NRXN3: variants seen among roughly 807,000 people sequenced by gnomAD.
The protein encoded by NRXN3 is neurexin III.
A neutral mutation model predicts 137.6 loss-of-function variants in NRXN3; 32 were observed. The observed-to-expected ratio is 0.23, with a 90% CI of 0.18 to 0.31. The LOEUF is 0.31. Ranked by LOEUF, NRXN3 falls within the 10% of genes least tolerant of loss-of-function variation. The pLI, the probability that NRXN3 is intolerant of heterozygous loss-of-function variation, is 1.00. For missense variants in NRXN3, 1,574 were observed against 2,062.5 expected (o/e 0.76, Z 4.59); for synonymous variants, 798 against 784.5 (o/e 1.02, Z -0.29).
intron 15 of NRXN3, among the ~76,000 whole-genome samples, chr14:79,408,679 TTA>T (rs1462942615): frequency 6.6e-6 from 1 of 151,984 alleles, no homozygotes; most frequent in Admixed American, 6.6e-5. Flanking sequence ...TATAAAAACT[TTA>T]TGTCTCCTCC....
intron 15 of NRXN3, among the ~76,000 whole-genome samples, chr14:79,303,893 C>T (rs1050909868): frequency 3.3e-5 from 5 of 151,966 alleles, no homozygotes; most frequent in African/African-American, 4.8e-5. Context: ...ATTTATACTC[C>T]AGTACTAATA....
At position 78,567,765 on chromosome 14, in the gene NRXN3, C is replaced by T. The variant is rs556406060; in HGVS notation, c.758-77355C>T. On this transcript the variant is annotated intron_variant, in intron 4 of 20. Transcript: ENST00000335750. Reference sequence around the variant, plus strand: ...AATTATGATGTCAGCCCTGACTACCCCTTCTCATTTTAATCTTGCCAACGT... The same window carrying T: ...AATTATGATGTCAGCCCTGACTACCTCTTCTCATTTTAATCTTGCCAACGT... 3.3e-5 allele frequency among the ~76,000 whole-genome samples: 5 copies of T among 152,018 alleles called. No homozygotes were observed. In the East Asian group the frequency reaches 7.8e-4, roughly 24 times the overall value.
chr14:79,522,564 A>G (rs1373772218), intron 16 of NRXN3, among the ~76,000 whole-genome samples: 1 of 152,176 alleles, frequency 6.6e-6, no homozygotes, highest in Middle Eastern at 3.2e-3. Flanking sequence ...TTTAAAAAAG[A>G]AAAAATAAAG....
At chr14:78,440,648 C>A (rs561922652) in intron 4 of NRXN3, among the ~76,000 whole-genome samples, 4 of 152,104 alleles carry the variant, frequency 2.6e-5, no homozygotes, top group African/African-American at 9.6e-5. Context: ...GTGAAATCAA[C>A]TATGTTCGTC....
At chr14:78,752,257 A>T (rs972113329) in intron 8 of NRXN3, among the ~76,000 whole-genome samples, 3 of 152,120 alleles carry the variant, frequency 2.0e-5, no homozygotes, top group Non-Finnish European at 4.4e-5. Context: ...TCTCTACTAA[A>T]AATACAAAGA....
At chr14:79,106,950 T>C (rs1004536689) in intron 15 of NRXN3, among the ~76,000 whole-genome samples, 1 of 152,078 alleles carries the variant, frequency 6.6e-6, no homozygotes, top group African/African-American at 2.4e-5. Context: ...TTGTGATTTT[T>C]TAAAAAAAGT....
At chr14:79,283,082 C>A (rs1314517748) in intron 15 of NRXN3, among the ~76,000 whole-genome samples, 1 of 152,112 alleles carries the variant, frequency 6.6e-6, no homozygotes, top group Non-Finnish European at 1.5e-5. Flanking sequence ...TAGTCCAAGA[C>A]AAAGACCTAG....
chr14:78,173,627 C>A (rs1005574915), intron 1 of NRXN3, among the ~76,000 whole-genome samples: 1 of 147,096 alleles, frequency 6.8e-6, no homozygotes, highest in Non-Finnish European at 1.5e-5. Context: ...AGGCGCACCC[C>A]CCCTTCCTCC....
chr14:79,082,844 ATAAT>A (rs754296736), intron 15 of NRXN3, among the ~76,000 whole-genome samples: 1 of 152,218 alleles, frequency 6.6e-6, no homozygotes, highest in Non-Finnish European at 1.5e-5. Flanking sequence ...TCAAACTCAG[ATAAT>A]TAAATTAATT....
intron 6 of NRXN3, among the ~76,000 whole-genome samples, chr14:78,689,516 T>C (rs1044116274): frequency 9.9e-5 from 15 of 151,970 alleles, no homozygotes; most frequent in African/African-American, 3.6e-4. Context: ...GATACAAGAG[T>C]TCCAGGATGG....
chr14:78,862,038 G>A (rs1410442944), intron 10 of NRXN3, among the ~76,000 whole-genome samples: 1 of 152,040 alleles, frequency 6.6e-6, no homozygotes, highest in Non-Finnish European at 1.5e-5. Context: ...CATTCCAGTT[G>A]TACTAGTAAA....
At chr14:79,228,111 T>G (rs2071407376) in intron 15 of NRXN3, among the ~76,000 whole-genome samples, 1 of 152,152 alleles carries the variant, frequency 6.6e-6, no homozygotes, top group Admixed American at 6.5e-5. Flanking sequence ...TTCAAATTCA[T>G]TTGCCTGTTA....
At chr14:79,146,113 T>G (rs928025705) in intron 15 of NRXN3, among the ~76,000 whole-genome samples, 6 of 152,196 alleles carry the variant, frequency 3.9e-5, no homozygotes, top group Admixed American at 3.3e-4. Flanking sequence ...TTATTGCATT[T>G]AATCCTCATA....
intron 4 of NRXN3, among the ~76,000 whole-genome samples, chr14:78,316,789 T>C (rs146550575): frequency 6.6e-6 from 1 of 152,350 alleles, no homozygotes; most frequent in Non-Finnish European, 1.5e-5. Context: ...CTAGTGTTTG[T>C]CTTCCCCATT....
At chr14:79,523,152 C>T (rs2097084600) in intron 16 of NRXN3, among the ~76,000 whole-genome samples, 1 of 152,180 alleles carries the variant, frequency 6.6e-6, no homozygotes, top group Admixed American at 6.5e-5. Context: ...ATTGGTTAAA[C>T]TTTGAAATTA....
chr14:79,773,007 G>A (rs888214442), intron 19 of NRXN3, among the ~76,000 whole-genome samples: 3 of 152,032 alleles, frequency 2.0e-5, no homozygotes, highest in Non-Finnish European at 2.9e-5. Context: ...CATTTATGCA[G>A]CCAAAAAACA....
intron 16 of NRXN3, among the ~76,000 whole-genome samples, chr14:79,499,956 C>CGTGTGTGTGTGTGTGTGTGTGTGTGT: frequency 6.9e-6 from 1 of 145,234 alleles, no homozygotes; most frequent in Admixed American, 6.9e-5. Context: ...ATCTTAGGGT[C>CGTGTGTGTGTGTGTGTGTGTGTGTGT]GTGTGTGTGT....
chr14:79,238,638 C>T (rs927636788), intron 15 of NRXN3, among the ~76,000 whole-genome samples: 1 of 151,900 alleles, frequency 6.6e-6, no homozygotes, highest in Non-Finnish European at 1.5e-5. Flanking sequence ...TTCTTTTTTA[C>T]AAAGATCCTA....
chr14:78,198,618 T>C (rs2061424668), intron 1 of NRXN3, among the ~76,000 whole-genome samples: 1 of 152,226 alleles, frequency 6.6e-6, no homozygotes, highest in African/African-American at 2.4e-5. Flanking sequence ...TAATGACTTA[T>C]TGTCCTAGCC....
Sources: allele counts gnomAD v4.1 joint callset (sites outside exome capture counted in the v4.1 genomes callset), GRCh38; gene constraint gnomAD v4.1.1; transcripts MANE v1.5; gene names NCBI Gene and HGNC (gene_info 2026-07-23, HGNC 2026-07-21).